SSBP3: variants seen among roughly 807,000 people sequenced by gnomAD.
The protein encoded by SSBP3 is single-stranded DNA-binding protein 3.
In SSBP3, 5 loss-of-function variants were observed where a neutral mutation model predicts 69.6. That is an observed-to-expected ratio of 0.07 (90% CI 0.04 to 0.15). The LOEUF is 0.15. SSBP3 is among the 10% of genes least tolerant of loss of function. SSBP3 has a pLI of 1.00. For missense variants in SSBP3, 312 were observed against 534.0 expected, an observed-to-expected ratio of 0.58 and a Z score of 4.10; for synonymous variants, 196 against 193.4, an observed-to-expected ratio of 1.01 and a Z score of -0.11.
At chr1:54,405,076 A>C in intron 1 of SSBP3, 146 bp from the exon 2 acceptor site, 1 of 717,256 alleles carries the variant, frequency 1.4e-6, no homozygotes, top group Non-Finnish European at 2.5e-6. Context: ...GCTCACCCCA[A>C]ACAGGGCCGC....
At chr1:54,379,371 G>GT (rs1374032205) in intron 4 of SSBP3, among the ~76,000 whole-genome samples, 1 of 152,232 alleles carries the variant, frequency 6.6e-6, no homozygotes, top group East Asian at 1.9e-4. Context: ...TGTAATGAAG[G>GT]TGAGTGGCCA....
upstream of SSBP3, among the ~76,000 whole-genome samples, chr1:54,407,398 G>T (rs1043508257): frequency 6.6e-6 from 1 of 152,054 alleles, no homozygotes; most frequent in South Asian, 2.1e-4. Flanking sequence ...TCAGGCGTAG[G>T]GGGAGGGGAA....
At chr1:54,355,560 G>A (rs905167035) in intron 4 of SSBP3, among the ~76,000 whole-genome samples, 2 of 152,076 alleles carry the variant, frequency 1.3e-5, no homozygotes, top group Non-Finnish European at 2.9e-5. Flanking sequence ...TGTTGGCCAG[G>A]CTGGTCTGGA....
At chr1:54,343,550 C>G (rs1646643323) in intron 4 of SSBP3, among the ~76,000 whole-genome samples, 1 of 152,236 alleles carries the variant, frequency 6.6e-6, no homozygotes, top group Non-Finnish European at 1.5e-5. Flanking sequence ...AGGTCTGCCT[C>G]TGAAGGGGAT....
intron 4 of SSBP3, among the ~76,000 whole-genome samples, chr1:54,324,053 T>C (rs186416264): frequency 1.7e-3 from 262 of 152,312 alleles, no homozygotes; most frequent in African/African-American, 5.2e-3. Context: ...ATCCCCATTT[T>C]ATAGGTGCGG....
intron 5 of SSBP3, among the ~76,000 whole-genome samples, chr1:54,263,471 A>G (rs1645049882): frequency 6.6e-6 from 1 of 152,162 alleles, no homozygotes; most frequent in South Asian, 2.1e-4. Context: ...ACTATTCCAC[A>G]AACACTGCAG....
chr1:54,366,045 C>T (rs1647024992), intron 4 of SSBP3, among the ~76,000 whole-genome samples: 1 of 152,172 alleles, frequency 6.6e-6, no homozygotes, highest in Non-Finnish European at 1.5e-5. Context: ...GGCACAAAGG[C>T]AGGGCTGAAT....
At chr1:54,381,765 G>A (rs754356535) in intron 4 of SSBP3, among the ~76,000 whole-genome samples, 27 of 152,268 alleles carry the variant, frequency 1.8e-4, no homozygotes, top group Non-Finnish European at 2.8e-4. Flanking sequence ...GCTGGCCAGC[G>A]CAGTGAGACA....
At chr1:54,276,622 A>AAAAAAAAC (rs1645293433) in intron 5 of SSBP3, among the ~76,000 whole-genome samples, 1 of 150,578 alleles carries the variant, frequency 6.6e-6, no homozygotes, top group Non-Finnish European at 1.5e-5. Flanking sequence ...AAAAAAAAAA[A>AAAAAAAAC]AAAAAAAAAA....
chr1:54,235,273 GTTT>G (rs200538399), intron 14 of SSBP3, among the ~76,000 whole-genome samples: 25 of 112,026 alleles, frequency 2.2e-4, no homozygotes, highest in African/African-American at 5.9e-4. Flanking sequence ...AAGATGTCCA[GTTT>G]TTTTTTTTTT....
At chr1:54,353,762 C>T (rs1646820616) in intron 4 of SSBP3, among the ~76,000 whole-genome samples, 2 of 152,180 alleles carry the variant, frequency 1.3e-5, no homozygotes, top group Non-Finnish European at 2.9e-5. Flanking sequence ...CTGAATGGGG[C>T]AAAATTCACA....
At chr1:54,330,659 T>TA (rs765590274) in intron 4 of SSBP3, among the ~76,000 whole-genome samples, 1 of 152,212 alleles carries the variant, frequency 6.6e-6, no homozygotes, top group Admixed American at 6.5e-5. Context: ...ACACGGGCTC[T>TA]ACCTGCTGAC....
chr1:54,329,816 C>T (rs1569832512), intron 4 of SSBP3, among the ~76,000 whole-genome samples: 1 of 152,154 alleles, frequency 6.6e-6, no homozygotes, highest in Non-Finnish European at 1.5e-5. Flanking sequence ...GGGGAGGGGA[C>T]AAGCCTGGTT....
intron 4 of SSBP3, among the ~76,000 whole-genome samples, chr1:54,306,308 G>A (rs528854306): frequency 1.3e-5 from 2 of 152,314 alleles, no homozygotes; most frequent in East Asian, 3.9e-4. Context: ...CCCCAGGCTG[G>A]TGTCAGCCGT....
chr1:54,315,030 C>G (rs1646070843), intron 4 of SSBP3, among the ~76,000 whole-genome samples: 1 of 152,158 alleles, frequency 6.6e-6, no homozygotes. Context: ...TAGAAATTCC[C>G]CGCGTGTGAT....
intron 3 of SSBP3, among the ~76,000 whole-genome samples, chr1:54,404,285 G>A (rs1156647905): frequency 6.6e-6 from 1 of 152,166 alleles, no homozygotes; most frequent in African/African-American, 2.4e-5. Context: ...ATCCTCCAAT[G>A]TTTTTTCAAA....
exon 18 of SSBP3, chr1:54,226,921 T>C (rs1005032207): frequency 1.7e-6 from 1 of 591,886 alleles, no homozygotes; most frequent in Non-Finnish European, 3.1e-6. Flanking sequence ...TTGTCCTTCT[T>C]GTTTTATGGA....
chr1:54,398,530 GCA>G (rs1157606482), intron 4 of SSBP3, among the ~76,000 whole-genome samples: 2 of 152,182 alleles, frequency 1.3e-5, no homozygotes, highest in African/African-American at 4.8e-5. Flanking sequence ...ACACCTCTGG[GCA>G]CACAGTTAGA....
chr1:54,272,480 C>T (rs1557482431), intron 5 of SSBP3, among the ~76,000 whole-genome samples: 1 of 123,938 alleles, frequency 8.1e-6, no homozygotes, highest in East Asian at 2.5e-4. Flanking sequence ...GGAATTTGAC[C>T]TTTTTTTTAA....
Sources: gnomAD v4.1 joint callset for allele counts (sites outside exome capture counted in the v4.1 genomes callset) on GRCh38, gnomAD v4.1.1 for gene constraint, MANE v1.5 for transcripts, NCBI Gene and HGNC (gene_info 2026-07-23, HGNC 2026-07-21) for gene names.